The following TSPAN18 variants were observed in gnomAD, a reference collection of about 807,000 sequenced individuals.
The protein encoded by TSPAN18 is tetraspanin 18.
In TSPAN18, 14 loss-of-function variants were observed where a neutral mutation model predicts 27.3. The ratio of observed to expected loss-of-function variants is 0.51; its 90% CI spans 0.34 to 0.80. The LOEUF (loss-of-function observed/expected upper bound fraction) is 0.80. Among genes scored for constraint, TSPAN18 ranks in the 30% least tolerant of loss-of-function variants. The pLI, the probability that TSPAN18 is intolerant of heterozygous loss-of-function variation, is 0.01. For missense variants in TSPAN18, 268 were observed against 323.9 expected (o/e 0.83, Z 1.32); for synonymous variants, 143 against 136.5 (o/e 1.05, Z -0.33).
intron 2 of TSPAN18, among the ~76,000 whole-genome samples, chr11:44,769,529 A>G (rs7108359): frequency 0.61 from 92,937 of 152,066 alleles, 30,440 homozygotes; most frequent in South Asian, 0.81. Flanking sequence ...TGGGCCTGAT[A>G]CTTTCTTTTT....
chr11:44,790,456 T>C (rs573872825), intron 2 of TSPAN18, among the ~76,000 whole-genome samples: 2 of 150,748 alleles, frequency 1.3e-5, no homozygotes, highest in East Asian at 2.0e-4. Context: ...TGTGTGCATG[T>C]GTGTATGCAT....
At chr11:44,743,873 C>T (rs537617652) in intron 1 of TSPAN18, among the ~76,000 whole-genome samples, 18 of 152,276 alleles carry the variant, frequency 1.2e-4, no homozygotes, top group African/African-American at 4.1e-4. Flanking sequence ...TAACACCATC[C>T]GAGTACCCGG....
At chr11:44,885,630 G>GT (rs1858623843) in intron 3 of TSPAN18, among the ~76,000 whole-genome samples, 1 of 152,130 alleles carries the variant, frequency 6.6e-6, no homozygotes, top group African/African-American at 2.4e-5. Flanking sequence ...CAGCTGGGAT[G>GT]TTTTTTATGG....
At chr11:44,776,612 T>A (rs1219022374) in intron 2 of TSPAN18, among the ~76,000 whole-genome samples, 1 of 151,834 alleles carries the variant, frequency 6.6e-6, no homozygotes, top group Non-Finnish European at 1.5e-5. Context: ...TTCTTCTGAG[T>A]GTTGGTGGTT....
chr11:44,832,961 C>A (rs1259298971), intron 2 of TSPAN18, among the ~76,000 whole-genome samples: 1 of 152,122 alleles, frequency 6.6e-6, no homozygotes, highest in Non-Finnish European at 1.5e-5. Flanking sequence ...TACACTCCTT[C>A]TCTGTGCCTT....
At chr11:44,845,440 G>A (rs954170133) in intron 2 of TSPAN18, among the ~76,000 whole-genome samples, 1 of 152,236 alleles carries the variant, frequency 6.6e-6, no homozygotes, top group African/African-American at 2.4e-5. Flanking sequence ...TACCAGGCTT[G>A]TTGATGAGGG....
intron 2 of TSPAN18, among the ~76,000 whole-genome samples, chr11:44,773,149 G>A (rs1855727614): frequency 6.6e-6 from 1 of 152,044 alleles, no homozygotes; most frequent in Admixed American, 6.6e-5. Context: ...AGGCGCGGTG[G>A]CTCATGCCTA....
chr11:44,889,422 G>A (rs1050939049), intron 3 of TSPAN18, among the ~76,000 whole-genome samples: 1 of 152,190 alleles, frequency 6.6e-6, no homozygotes, highest in Non-Finnish European at 1.5e-5. Context: ...AGCAGAAAAG[G>A]CCATGGCCAC....
intron 1 of TSPAN18, among the ~76,000 whole-genome samples, chr11:44,759,845 T>C (rs2134880236): frequency 6.6e-6 from 1 of 152,296 alleles, no homozygotes; most frequent in Non-Finnish European, 1.5e-5. Context: ...AAAAATATAC[T>C]ATTACCTATA....
At chr11:44,734,984 T>C (rs1263755556) in intron 1 of TSPAN18, among the ~76,000 whole-genome samples, 1 of 152,186 alleles carries the variant, frequency 6.6e-6, no homozygotes, top group East Asian at 1.9e-4. Context: ...CCGCCCTCCA[T>C]GGTCCCTGTG....
Position 44,838,632 on chromosome 11 carries a change from C to T in TSPAN18, c.-152-21696C>T, listed in dbSNP as rs116200258. Among the ~76,000 whole-genome samples the T allele has an allele frequency of 5.6e-3, 857 of 152,206 alleles. 8 individuals carry two copies. The highest frequency in any genetic ancestry group is 0.02 in the African/African-American group (827 of 41,514). On this transcript the variant is annotated intron_variant, in intron 2 of 9. Transcript: ENST00000520358. ...CTTCAGAAGAGGAGTGTGGGAGTGA[C>T]GCCACCTGTGAAAGACTGGACTGGC...
intron 2 of TSPAN18, among the ~76,000 whole-genome samples, chr11:44,770,375 G>A (rs1438198780): frequency 6.6e-6 from 1 of 152,176 alleles, no homozygotes; most frequent in African/African-American, 2.4e-5. Flanking sequence ...AAGGCAATGA[G>A]GAACAAGCCT....
At chr11:44,826,802 C>T (rs1436539567) in intron 2 of TSPAN18, among the ~76,000 whole-genome samples, 3 of 152,196 alleles carry the variant, frequency 2.0e-5, no homozygotes, top group Non-Finnish European at 4.4e-5. Flanking sequence ...GAGCCTGAGT[C>T]AGCCGTAGTG....
intron 2 of TSPAN18, among the ~76,000 whole-genome samples, chr11:44,801,511 A>G (rs1590493716): frequency 6.6e-6 from 1 of 152,208 alleles, no homozygotes; most frequent in African/African-American, 2.4e-5. Flanking sequence ...TAATATCCAT[A>G]TAGCATCCAG....
intron 3 of TSPAN18, among the ~76,000 whole-genome samples, chr11:44,883,554 G>A (rs1858553827): frequency 6.6e-6 from 1 of 152,234 alleles, no homozygotes; most frequent in Admixed American, 6.5e-5. Flanking sequence ...GTAAGTGGCA[G>A]AGACAACTCC....
chr11:44,746,446 G>T (rs759685130), intron 1 of TSPAN18, among the ~76,000 whole-genome samples: 5 of 152,212 alleles, frequency 3.3e-5, no homozygotes, highest in Admixed American at 6.5e-5. Flanking sequence ...AGCAAGGAGT[G>T]TAGTACCCAC....
chr11:44,758,498 G>A (rs2134876868), intron 1 of TSPAN18, among the ~76,000 whole-genome samples: 1 of 152,314 alleles, frequency 6.6e-6, no homozygotes, highest in Non-Finnish European at 1.5e-5. Context: ...AGGGATATTG[G>A]TCTGTAGTTT....
intron 1 of TSPAN18, chr11:44,736,288 G>A (rs1854791897): frequency 6.6e-6 from 1 of 152,206 alleles, no homozygotes; most frequent in Non-Finnish European, 1.5e-5. Flanking sequence ...TAGATGGGAT[G>A]TCTCCCAGGA....
At chr11:44,770,405 A>G (rs1413847501) in intron 2 of TSPAN18, among the ~76,000 whole-genome samples, 1 of 152,038 alleles carries the variant, frequency 6.6e-6, no homozygotes, top group Admixed American at 6.6e-5. Flanking sequence ...CTCGGGGAAG[A>G]GGCTTCCTGT....
Sources: allele counts gnomAD v4.1 joint callset (sites outside exome capture counted in the v4.1 genomes callset), GRCh38; gene constraint gnomAD v4.1.1; transcripts MANE v1.5; gene names NCBI Gene and HGNC (gene_info 2026-07-23, HGNC 2026-07-21).